Variants in COL14A1 observed in about 807,000 individuals in gnomAD.
COL14A1 encodes collagen type XIV alpha 1 chain.
COL14A1 carries 136 observed loss-of-function variants against 230.3 expected under a neutral mutation model. The ratio of observed to expected loss-of-function variants is 0.59; its 90% CI spans 0.51 to 0.68. The LOEUF is 0.68. COL14A1 is among the 30% of genes least tolerant of loss of function. The pLI is 0.00. For missense variants in COL14A1, 1,976 were observed against 2,215.8 expected, an observed-to-expected ratio of 0.89 and a Z score of 2.17; for synonymous variants, 792 against 784.1, an observed-to-expected ratio of 1.01 and a Z score of -0.17.
intron 3 of COL14A1, among the ~76,000 whole-genome samples, chr8:120,158,716 T>TCC (rs1365157328): frequency 4.6e-5 from 7 of 152,172 alleles, no homozygotes; most frequent in Non-Finnish European, 1.5e-5. Context: ...AATAGTTATT[T>TCC]AAGGATGCTT....
intron 11 of COL14A1, 87 bp downstream of exon 11, chr8:120,208,448 T>A: frequency 7.2e-7 from 1 of 1,391,104 alleles, no homozygotes. Flanking sequence ...TCAGGTCATG[T>A]TGATAGACAT....
intron 32 of COL14A1, 69 bp from the exon 33 acceptor site, chr8:120,285,792 T>C (rs1276285540): frequency 6.0e-6 from 6 of 1,000,892 alleles, no homozygotes; most frequent in Non-Finnish European, 9.0e-6. Context: ...TTGTTTTGAG[T>C]TGAATTTTAG....
chr8:120,197,169 A>G (rs1817064456), intron 6 of COL14A1, among the ~76,000 whole-genome samples: 1 of 152,158 alleles, frequency 6.6e-6, no homozygotes, highest in South Asian at 2.1e-4. Context: ...TAATCTTCTG[A>G]AAAGTCAAGT....
At chr8:120,269,828 C>A (rs1164772023) in intron 25 of COL14A1, among the ~76,000 whole-genome samples, 1 of 151,606 alleles carries the variant, frequency 6.6e-6, no homozygotes, top group Non-Finnish European at 1.5e-5. Context: ...GCTTCTTAGT[C>A]ATGAATAAGA....
chr8:120,166,419 T>C (rs1359378474), intron 4 of COL14A1, among the ~76,000 whole-genome samples: 3 of 152,222 alleles, frequency 2.0e-5, no homozygotes, highest in African/African-American at 7.2e-5. Context: ...ATTTTTTCTC[T>C]TTTAAATGTG....
At chr8:120,271,167 A>G (rs1335735100) in intron 26 of COL14A1, among the ~76,000 whole-genome samples, 2 of 151,692 alleles carry the variant, frequency 1.3e-5, no homozygotes, top group African/African-American at 4.8e-5. Context: ...AGTGGGAGCT[A>G]AACATCGAGT....
chr8:120,159,816 T>A (rs1258775420), intron 3 of COL14A1, among the ~76,000 whole-genome samples: 11 of 152,116 alleles, frequency 7.2e-5, no homozygotes, highest in Admixed American at 6.6e-4. Context: ...CTCAGCCCCC[T>A]GAGTAGCTGG....
Position 120,369,455 on chromosome 8 carries a change from C to T in COL14A1, c.5281C>T (p.Pro1761Ser). Residue 1761 changes from proline (P) to serine (S), a missense_variant, in exon 47 of 48, where the codon CCC (proline) becomes TCC (serine). Coordinates refer to ENST00000297848, the MANE Select transcript of COL14A1 (RefSeq NM_021110.4). ...TTCTGGCCAGCCTGGATATTGTGAC[C>T]CCTCATCATGTTCTGCCTATGGTGT... is the stretch of plus-strand genomic sequence containing the variant. Reference protein sequence around the residue: ...GPSGQPGYCDPSSCSAYGVRA... With the variant: ...GPSGQPGYCDSSSCSAYGVRA... 1 of 1,606,994 alleles carries T rather than the reference C, an allele frequency of 6.2e-7. No individual in the cohort carries two copies. The highest frequency in any genetic ancestry group is 1.7e-5 in the Admixed American group (1 of 58,942).
intron 5 of COL14A1, among the ~76,000 whole-genome samples, chr8:120,185,939 A>G (rs1425618876): frequency 6.6e-6 from 1 of 151,808 alleles, no homozygotes; most frequent in Non-Finnish European, 1.5e-5. Context: ...CGACCAGCTA[A>G]TTTTTTGTAT....
At chr8:120,195,174 A>G (rs530781309) in intron 5 of COL14A1, among the ~76,000 whole-genome samples, 9 of 152,320 alleles carry the variant, frequency 5.9e-5, no homozygotes, top group African/African-American at 1.9e-4. Flanking sequence ...AAGATCCTTT[A>G]AGCAAAATGT....
In COL14A1 at chr8:120,280,904, T is replaced by TTC. The variant is rs3054972; in HGVS notation, c.3686-16_3686-15insCT. 3.4e-3 allele frequency: 256 copies of TTC among 75,134 alleles called. No homozygotes were observed. Among genetic ancestry groups the TTC allele is most frequent in the Non-Finnish European group, 4.3e-3 (229 of 53,380 alleles). 4.7% of individuals were successfully genotyped at this position (75,134 alleles called of 1,614,324 possible). On this transcript the variant is annotated splice_polypyrimidine_tract_variant and intron_variant, in intron 30 of 47. Transcript: ENST00000297848. ...TTCCTTATGTTTATTCTTTTTCTAC[T>TTC]TTTTTTTTTTTTTTAGGATTTAAGA...
intron 5 of COL14A1, among the ~76,000 whole-genome samples, chr8:120,174,779 G>A (rs530514161): frequency 6.6e-6 from 1 of 152,222 alleles, no homozygotes; most frequent in East Asian, 1.9e-4. Context: ...TTGTGAGAGC[G>A]CTGGTTATGT....
intron 26 of COL14A1, among the ~76,000 whole-genome samples, chr8:120,274,117 G>A (rs965163435): frequency 1.3e-5 from 2 of 151,576 alleles, no homozygotes; most frequent in Non-Finnish European, 3.0e-5. Context: ...AACACATCAA[G>A]AAGATAATAC....
chr8:120,190,490 T>G (rs1474091542), intron 5 of COL14A1, among the ~76,000 whole-genome samples: 8 of 152,144 alleles, frequency 5.3e-5, no homozygotes, highest in Non-Finnish European at 1.2e-4. Context: ...TTTAGTTTAA[T>G]TAGATCCCAT....
In COL14A1 at chr8:120,189,835, T is replaced by C. The variant is rs1411753283; in HGVS notation, c.437-6956T>C. Among the ~76,000 whole-genome samples the C allele has an allele frequency of 9.2e-5, 14 of 152,272 alleles. No individual in the cohort carries two copies. In the East Asian group the frequency reaches 1.5e-3, roughly 17 times the overall value. On this transcript the variant is annotated intron_variant, in intron 5 of 47. Coordinates refer to ENST00000297848, the MANE Select transcript of COL14A1 (RefSeq NM_021110.4). The stretch of plus-strand genomic sequence containing the variant: ...GAACTCATCATGTTTTATGGCTGTA[T>C]AGTATTCCATGATGTATATGTGCCA...
intron 33 of COL14A1, among the ~76,000 whole-genome samples, chr8:120,287,157 C>T (rs1403841066): frequency 6.6e-6 from 1 of 151,570 alleles, no homozygotes; most frequent in Admixed American, 6.6e-5. Context: ...AACTTTGCTA[C>T]TTTCTGTGGT....
chr8:120,231,747 G>C, intron 19 of COL14A1, 129 bp downstream of exon 19: 1 of 999,768 alleles, frequency 1.0e-6, no homozygotes, highest in Non-Finnish European at 1.4e-6. Context: ...AGAAACTAAT[G>C]TTCTCTGTTA....
intron 5 of COL14A1, among the ~76,000 whole-genome samples, chr8:120,169,395 C>T (rs1270802222): frequency 3.3e-5 from 5 of 151,982 alleles, no homozygotes; most frequent in Non-Finnish European, 5.9e-5. Context: ...ATTTGAAATC[C>T]TTAATATTGA....
At chr8:120,209,415 G>GA (rs1817551248) in intron 11 of COL14A1, among the ~76,000 whole-genome samples, 1 of 151,944 alleles carries the variant, frequency 6.6e-6, no homozygotes. Context: ...AGGGGGTGGG[G>GA]ACGCAATCCA....
Sources: gnomAD v4.1 joint callset for allele counts (sites outside exome capture counted in the v4.1 genomes callset) on GRCh38, gnomAD v4.1.1 for gene constraint, MANE v1.5 for transcripts, NCBI Gene and HGNC (gene_info 2026-07-23, HGNC 2026-07-21) for gene names.